The following GLIS1 variants were observed in gnomAD, a reference collection of about 807,000 sequenced individuals.
GLIS1 encodes the protein GLIS family zinc finger 1, also known as zinc finger protein GLIS1.
GLIS1 carries 24 observed loss-of-function variants against 63.8 expected under a neutral mutation model. That is an observed-to-expected ratio of 0.38 (90% CI 0.27 to 0.53). GLIS1 has a LOEUF of 0.53. Ranked by LOEUF, GLIS1 falls within the 20% of genes least tolerant of loss-of-function variation. GLIS1 has a pLI of 0.85. For synonymous variants in GLIS1, 450 were observed against 482.5 expected, an observed-to-expected ratio of 0.93 and a Z score of 0.88; for missense variants, 1,036 against 1,074.1, an observed-to-expected ratio of 0.96 and a Z score of 0.50.
chr1:53,623,212 A>G (rs1040052297), intron 2 of GLIS1, among the ~76,000 whole-genome samples: 1 of 152,236 alleles, frequency 6.6e-6, no homozygotes, highest in Non-Finnish European at 1.5e-5. Context: ...AATAGAAAAG[A>G]TAACAAACAC....
intron 2 of GLIS1, among the ~76,000 whole-genome samples, chr1:53,710,037 G>A (rs1646630209): frequency 6.6e-6 from 1 of 152,160 alleles, no homozygotes; most frequent in Non-Finnish European, 1.5e-5. Context: ...ATTTCCCTGA[G>A]GATGCATGCT....
At chr1:53,531,580 C>A (rs933326150) in intron 4 of GLIS1, among the ~76,000 whole-genome samples, 2 of 152,184 alleles carry the variant, frequency 1.3e-5, no homozygotes, top group Non-Finnish European at 2.9e-5. Context: ...CTCCAGTCTG[C>A]GGTGAGTGCC....
At chr1:53,665,165 G>C (rs1049914533) in intron 2 of GLIS1, among the ~76,000 whole-genome samples, 3 of 152,148 alleles carry the variant, frequency 2.0e-5, no homozygotes, top group Non-Finnish European at 4.4e-5. Context: ...TGATAGCAGG[G>C]AAATGACAAA....
intron 4 of GLIS1, among the ~76,000 whole-genome samples, chr1:53,542,215 C>T (rs1261076137): frequency 3.3e-5 from 5 of 152,186 alleles, no homozygotes; most frequent in Admixed American, 2.6e-4. Context: ...CAAAGGGGTC[C>T]GTGTGGAATA....
At chr1:53,563,538 G>A (rs1644910430) in intron 4 of GLIS1, among the ~76,000 whole-genome samples, 1 of 152,162 alleles carries the variant, frequency 6.6e-6, no homozygotes, top group Non-Finnish European at 1.5e-5. Context: ...CCAGAAGAAA[G>A]AACTGAAGAA....
At chr1:53,510,815 G>T (rs1644291671) in intron 8 of GLIS1, among the ~76,000 whole-genome samples, 1 of 152,156 alleles carries the variant, frequency 6.6e-6, no homozygotes, top group African/African-American at 2.4e-5. Flanking sequence ...TCCGTTTCCA[G>T]CCCTGGCCAT....
rs1646068245 is a variant in GLIS1, at chr1:53,664,649, T to TA, written c.260-64372dup. ...CCCTGCCCTCACAGAGCTGACACTT[T>TA]AGTAACATAAACAGCAAACAAACGA... On this transcript the variant is annotated intron_variant, in intron 2 of 10. Transcript: ENST00000628545. Among the ~76,000 whole-genome samples, 3 of 152,252 alleles carry TA rather than the reference T, an allele frequency of 2.0e-5. No individual in the cohort carries two copies. The South Asian group carries it at 6.2e-4, about 32-fold the overall frequency.
chr1:53,530,237 A>G (rs1167022241), intron 4 of GLIS1, among the ~76,000 whole-genome samples: 1 of 152,162 alleles, frequency 6.6e-6, no homozygotes, highest in African/African-American at 2.4e-5. Flanking sequence ...TCCCCTCCCC[A>G]GGGCCATCTG....
chr1:53,597,064 A>C (rs1569889909), intron 3 of GLIS1, among the ~76,000 whole-genome samples: 1 of 151,510 alleles, frequency 6.6e-6, no homozygotes, highest in East Asian at 2.0e-4. Context: ...GTTCTGGTGA[A>C]CAGAACTAGT....
intron 2 of GLIS1, among the ~76,000 whole-genome samples, chr1:53,693,090 A>G (rs1268656390): frequency 6.6e-6 from 1 of 152,234 alleles, no homozygotes; most frequent in African/African-American, 2.4e-5. Flanking sequence ...CAACCCAGAC[A>G]GAGAAGCAGG....
chr1:53,530,374 C>T (rs1557434703), intron 4 of GLIS1, among the ~76,000 whole-genome samples: 2 of 152,188 alleles, frequency 1.3e-5, no homozygotes, highest in Non-Finnish European at 2.9e-5. Flanking sequence ...CCCAGAGAGG[C>T]TTTGGGCAGT....
chr1:53,575,064 A>G (rs1645018246), intron 4 of GLIS1, among the ~76,000 whole-genome samples: 1 of 152,232 alleles, frequency 6.6e-6, no homozygotes, highest in African/African-American at 2.4e-5. Flanking sequence ...CCAGCAGCCT[A>G]TATAAATCTG....
chr1:53,673,900 G>A (rs374572910), intron 2 of GLIS1, among the ~76,000 whole-genome samples: 5 of 152,320 alleles, frequency 3.3e-5, no homozygotes, highest in South Asian at 4.1e-4. Flanking sequence ...GGCCGGGAGC[G>A]GTGGCTCACG....
At chr1:53,704,344 G>A (rs138202023) in intron 2 of GLIS1, among the ~76,000 whole-genome samples, 1 of 152,340 alleles carries the variant, frequency 6.6e-6, no homozygotes, top group Non-Finnish European at 1.5e-5. Context: ...TAGCAATCCT[G>A]TCTTACAGAT....
At chr1:53,622,879 G>A (rs956290241) in intron 2 of GLIS1, among the ~76,000 whole-genome samples, 2 of 152,234 alleles carry the variant, frequency 1.3e-5, no homozygotes, top group African/African-American at 2.4e-5. Context: ...ATTTGTCGCA[G>A]TAGCCTCAGG....
intron 4 of GLIS1, among the ~76,000 whole-genome samples, chr1:53,567,516 A>G (rs1209320211): frequency 1.3e-5 from 2 of 152,238 alleles, no homozygotes; most frequent in East Asian, 1.9e-4. Flanking sequence ...AGAAATTTGC[A>G]TAAGAGGAGC....
chr1:53,592,823 C>T (rs1645205486), intron 4 of GLIS1, among the ~76,000 whole-genome samples: 1 of 152,284 alleles, frequency 6.6e-6, no homozygotes, highest in African/African-American at 2.4e-5. Context: ...ACAAAGCAAA[C>T]TCTTTCTCCT....
chr1:53,524,767 G>C lies in GLIS1; in HGVS notation c.1593+10C>G, dbSNP rs116731495. 6.1e-4 allele frequency: 979 copies of C among 1,604,508 alleles called. 3 individuals are homozygous for C. The African/African-American group carries it at 0.012, about 19-fold the overall frequency. Reference sequence around the variant, plus strand: ...GGTGGGAGGAGGCCAGATGAGGAGGGCTGGCTTACCTTCTTACGCACCTGC... The same window carrying C: ...GGTGGGAGGAGGCCAGATGAGGAGGCCTGGCTTACCTTCTTACGCACCTGC... On this transcript the variant is annotated intron_variant, in intron 6 of 10. Coordinates refer to ENST00000628545, the MANE Select transcript of GLIS1 (RefSeq NM_001367484.1).
rs1645225734 is a variant in GLIS1, at chr1:53,594,318, C to T, written c.1110G>A (p.Gln370=). 6.2e-7 allele frequency: 1 copy of T among 1,611,854 alleles called. No individual in the cohort carries two copies. Among genetic ancestry groups the T allele is most frequent in the South Asian group, 1.1e-5 (1 of 91,028 alleles). The part of the protein sequence containing the change: ...GLAGRVVAGR[Q]ACRWVDCCAA... The stretch of plus-strand genomic sequence containing the variant: ...CACAGCAGTCCACCCAGCGGCACGC[C>T]TGCCGCCCGGCCACCACCCTGCCTG... The change falls in exon 4 of 11, where the codon CAG becomes CAA. Residue 370 remains glutamine, a synonymous_variant. Coordinates refer to ENST00000628545, the MANE Select transcript of GLIS1 (RefSeq NM_001367484.1).
Sources: allele counts gnomAD v4.1 joint callset (sites outside exome capture counted in the v4.1 genomes callset), GRCh38; gene constraint gnomAD v4.1.1; transcripts MANE v1.5; gene names NCBI Gene and HGNC (gene_info 2026-07-23, HGNC 2026-07-21).